The following CSNK2A2IP variants were observed in gnomAD, a reference collection of about 807,000 sequenced individuals.
CSNK2A2IP encodes casein kinase 2 subunit alpha' interacting protein.
the CSNK2A2IP span, among the ~76,000 whole-genome samples, chr3:88,436,590 T>G: frequency 1.3e-5 from 2 of 152,098 alleles, no homozygotes; most frequent in Non-Finnish European, 2.9e-5. Context: ...GTGTACAGAC[T>G]TTTAAAAGGA....
the CSNK2A2IP span, among the ~76,000 whole-genome samples, chr3:88,427,042 G>A: frequency 6.6e-6 from 1 of 152,130 alleles, no homozygotes; most frequent in South Asian, 2.1e-4. Context: ...GAGACTTAGA[G>A]GGCTCAGAAG....
the CSNK2A2IP span, among the ~76,000 whole-genome samples, chr3:88,351,713 A>G: frequency 6.6e-6 from 1 of 152,154 alleles, no homozygotes; most frequent in Non-Finnish European, 1.5e-5. Context: ...AATGTAAGAT[A>G]ACTCCCCATT....
At chr3:88,373,469 G>C in the CSNK2A2IP span, among the ~76,000 whole-genome samples, 2,835 of 151,210 alleles carry the variant, frequency 0.019, 78 homozygotes, top group African/African-American at 0.063. Context: ...CAAATTTTTT[G>C]GGATATAATA....
the CSNK2A2IP span, among the ~76,000 whole-genome samples, chr3:88,445,633 A>G: frequency 6.6e-6 from 1 of 151,976 alleles, no homozygotes; most frequent in Non-Finnish European, 1.5e-5. Flanking sequence ...ATGATAGCTC[A>G]CTGCAGCCTT....
the CSNK2A2IP span, among the ~76,000 whole-genome samples, chr3:88,436,266 A>T: frequency 3.3e-5 from 5 of 152,076 alleles, no homozygotes; most frequent in East Asian, 9.6e-4. Flanking sequence ...AGGTTAATCA[A>T]TTTTTTTGCA....
the CSNK2A2IP span, among the ~76,000 whole-genome samples, chr3:88,428,728 T>C: frequency 5.2e-4 from 79 of 152,256 alleles, no homozygotes; most frequent in African/African-American, 1.9e-3. Flanking sequence ...AATATGCAAC[T>C]GTTTAGTAGC....
At chr3:88,357,622 C>A in the CSNK2A2IP span, among the ~76,000 whole-genome samples, 1 of 152,190 alleles carries the variant, frequency 6.6e-6, no homozygotes, top group Admixed American at 6.5e-5. Context: ...TGAAGAACAT[C>A]ATTGTTATTT....
At chr3:88,465,998 C>A in the CSNK2A2IP span, 1 of 1,231,682 alleles carries the variant, frequency 8.1e-7, no homozygotes, top group South Asian at 4.1e-5. Context: ...CTTAGCTCGA[C>A]ATTGCTTCAA....
the CSNK2A2IP span, among the ~76,000 whole-genome samples, chr3:88,413,404 T>G: frequency 6.6e-6 from 1 of 151,928 alleles, no homozygotes; most frequent in African/African-American, 2.4e-5. Context: ...GAAAAAACAT[T>G]TTGAGGATGA....
At chr3:88,352,156 AT>A in the CSNK2A2IP span, among the ~76,000 whole-genome samples, 31 of 152,298 alleles carry the variant, frequency 2.0e-4, no homozygotes, top group African/African-American at 6.7e-4. Flanking sequence ...AATGATAAAA[AT>A]GTTTTAGTTT....
At chr3:88,388,257 T>C in the CSNK2A2IP span, among the ~76,000 whole-genome samples, 14 of 152,222 alleles carry the variant, frequency 9.2e-5, no homozygotes, top group Non-Finnish European at 1.6e-4. Context: ...TTGTCTTACA[T>C]GAAACAGTGG....
the CSNK2A2IP span, among the ~76,000 whole-genome samples, chr3:88,409,190 A>C: frequency 1.3e-5 from 2 of 152,026 alleles, no homozygotes; most frequent in Non-Finnish European, 2.9e-5. Context: ...TTATTATCAC[A>C]ATGGGTCTAT....
the CSNK2A2IP span, chr3:88,465,633 G>A: frequency 8.1e-7 from 1 of 1,231,678 alleles, no homozygotes; most frequent in Non-Finnish European, 1.0e-6. Flanking sequence ...ATTCACCATT[G>A]TTCCATGCCA....
At chr3:88,449,874 T>TATATATAGAGAG in the CSNK2A2IP span, among the ~76,000 whole-genome samples, 2 of 70,046 alleles carry the variant, frequency 2.9e-5, no homozygotes, top group African/African-American at 4.7e-5. Flanking sequence ...TATATATATA[T>TATATATAGAGAG]AGAGAGAGAG....
chr3:88,348,112 G>C, the CSNK2A2IP span, among the ~76,000 whole-genome samples: 2 of 151,916 alleles, frequency 1.3e-5, no homozygotes, highest in South Asian at 4.2e-4. Flanking sequence ...TTCATGCTTT[G>C]ATACAGACTG....
chr3:88,382,250 TGGTACAATCCTCTATA>T, the CSNK2A2IP span, among the ~76,000 whole-genome samples: 1 of 152,174 alleles, frequency 6.6e-6, no homozygotes, highest in African/African-American at 2.4e-5. Context: ...AAGTGATCCT[TGGTACAATCCTCTATA>T]GTCAGGACAT....
chr3:88,447,138 A>G, the CSNK2A2IP span, among the ~76,000 whole-genome samples: 4 of 152,160 alleles, frequency 2.6e-5, no homozygotes, highest in Admixed American at 2.6e-4. Flanking sequence ...GAGTACTTAC[A>G]CTCATTAACA....
chr3:88,433,768 A>G, the CSNK2A2IP span, among the ~76,000 whole-genome samples: 1 of 152,196 alleles, frequency 6.6e-6, no homozygotes, highest in Admixed American at 6.5e-5. Flanking sequence ...CAGAGCAGAC[A>G]CATCCTGTAC....
the CSNK2A2IP span, among the ~76,000 whole-genome samples, chr3:88,463,313 C>T: frequency 6.6e-6 from 1 of 151,616 alleles, no homozygotes; most frequent in Non-Finnish European, 1.5e-5. Flanking sequence ...ACCTTGGACC[C>T]TGAAAAATAA....
Sources: allele counts gnomAD v4.1 joint callset (sites outside exome capture counted in the v4.1 genomes callset), GRCh38; gene constraint gnomAD v4.1.1; transcripts MANE v1.5; gene names NCBI Gene and HGNC (gene_info 2026-07-23, HGNC 2026-07-21).